ZNF521: variants seen among roughly 807,000 people sequenced by gnomAD.
The protein encoded by ZNF521 is zinc finger protein 521, also known as LYST-interacting protein 3.
In ZNF521, 14 loss-of-function variants were observed where a neutral mutation model predicts 105.5. That is an observed-to-expected ratio of 0.13 (90% CI 0.09 to 0.21). ZNF521 has a LOEUF of 0.21. Among genes scored for constraint, ZNF521 ranks in the 10% least tolerant of loss-of-function variants. ZNF521 has a pLI of 1.00. For synonymous variants in ZNF521, 635 were observed against 606.0 expected, an observed-to-expected ratio of 1.05 and a Z score of -0.70; for missense variants, 1,233 against 1,629.7, an observed-to-expected ratio of 0.76 and a Z score of 4.19.
At chr18:25,240,615 T>C (rs753592746) in intron 3 of ZNF521, among the ~76,000 whole-genome samples, 1 of 152,162 alleles carries the variant, frequency 6.6e-6, no homozygotes, top group Non-Finnish European at 1.5e-5. Context: ...AGCCTGAGTG[T>C]TGAAGAGCTT....
chr18:25,280,408 G>T (rs1910290203), intron 3 of ZNF521, among the ~76,000 whole-genome samples: 1 of 150,634 alleles, frequency 6.6e-6, no homozygotes, highest in Non-Finnish European at 1.5e-5. Flanking sequence ...GATTGGGAAG[G>T]GATGTAAAAA....
intron 5 of ZNF521, among the ~76,000 whole-genome samples, chr18:25,146,578 G>GC (rs1371290219): frequency 2.6e-5 from 4 of 152,088 alleles, no homozygotes; most frequent in African/African-American, 9.7e-5. Context: ...TTCAAAAAAA[G>GC]CCCCCCATCT....
chr18:25,245,245 C>T (rs1021357114), intron 3 of ZNF521, among the ~76,000 whole-genome samples: 8 of 152,170 alleles, frequency 5.3e-5, no homozygotes, highest in Admixed American at 1.3e-4. Context: ...TCTTTGAATT[C>T]GTCCTTTTTA....
intron 4 of ZNF521, chr18:25,202,581 C>T (rs1297760051): frequency 6.6e-6 from 1 of 152,110 alleles, no homozygotes; most frequent in Admixed American, 6.5e-5. Context: ...TTTAAGTTAG[C>T]TAGGAGGAAA....
At chr18:25,316,918 G>A (rs998303296) in intron 3 of ZNF521, among the ~76,000 whole-genome samples, 21 of 145,488 alleles carry the variant, frequency 1.4e-4, no homozygotes, top group Non-Finnish European at 2.7e-4. Context: ...GCAATGACAC[G>A]ATATCAGCTC....
chr18:25,088,219 C>A lies in ZNF521; in HGVS notation c.3906+1246G>T, dbSNP rs993908494. The stretch of plus-strand genomic sequence containing the variant: ...TAACAGAATAATTTTCTTTTCTTTT[C>A]TTTTTTTTTTTTTTGAGACAGAGTC... On this transcript the variant is annotated intron_variant, in intron 7 of 7. Coordinates refer to ENST00000361524, the MANE Select transcript of ZNF521 (RefSeq NM_015461.3). Among the ~76,000 whole-genome samples, 8 of 147,778 alleles carry A rather than the reference C, an allele frequency of 5.4e-5. No homozygotes were observed. The Middle Eastern group carries it at 0.024, about 446-fold the overall frequency.
At chr18:25,346,191 T>C (rs1449266598) in intron 2 of ZNF521, among the ~76,000 whole-genome samples, 1 of 152,118 alleles carries the variant, frequency 6.6e-6, no homozygotes, top group South Asian at 2.1e-4. Context: ...TTTTTCTAAT[T>C]ATGTCATCAT....
At chr18:25,150,656 T>C (rs2035029651) in intron 5 of ZNF521, among the ~76,000 whole-genome samples, 1 of 152,084 alleles carries the variant, frequency 6.6e-6, no homozygotes, top group Admixed American at 6.5e-5. Context: ...TGAATGGAAA[T>C]TTCAGACACA....
At chr18:25,246,684 G>A (rs1262518570) in intron 3 of ZNF521, among the ~76,000 whole-genome samples, 2 of 152,146 alleles carry the variant, frequency 1.3e-5, no homozygotes, top group Non-Finnish European at 2.9e-5. Flanking sequence ...CTGTGGGTTT[G>A]CTAACATTGC....
intron 5 of ZNF521, among the ~76,000 whole-genome samples, chr18:25,158,569 A>G (rs1441136616): frequency 6.6e-6 from 1 of 152,214 alleles, no homozygotes; most frequent in Non-Finnish European, 1.5e-5. Context: ...TGAAACCACG[A>G]AAGCATGAAA....
chr18:25,067,998 G>A (rs757655403), intron 7 of ZNF521, among the ~76,000 whole-genome samples: 1 of 152,028 alleles, frequency 6.6e-6, no homozygotes, highest in Non-Finnish European at 1.5e-5. Context: ...ATTCTGACAA[G>A]CTTTTAAAAC....
chr18:25,341,671 C>T (rs1352504131), intron 2 of ZNF521, among the ~76,000 whole-genome samples: 1 of 152,144 alleles, frequency 6.6e-6, no homozygotes, highest in African/African-American at 2.4e-5. Context: ...ACTTTCGGTG[C>T]CAAAAATGTT....
At chr18:25,099,411 C>A (rs955971777) in intron 5 of ZNF521, among the ~76,000 whole-genome samples, 14 of 152,142 alleles carry the variant, frequency 9.2e-5, no homozygotes, top group African/African-American at 3.4e-4. Flanking sequence ...GATGAAAATA[C>A]TCTGGCAAAT....
intron 4 of ZNF521, among the ~76,000 whole-genome samples, chr18:25,204,666 AAC>A (rs970261976): frequency 6.6e-6 from 1 of 152,158 alleles, no homozygotes; most frequent in African/African-American, 2.4e-5. Flanking sequence ...TACACACTTG[AAC>A]TCATTGATGT....
intron 5 of ZNF521, among the ~76,000 whole-genome samples, chr18:25,113,537 G>A (rs1201577023): frequency 6.6e-6 from 1 of 152,062 alleles, no homozygotes; most frequent in Non-Finnish European, 1.5e-5. Context: ...GTGCTATTTA[G>A]GTTTTTGGTG....
At chr18:25,333,468 T>G (rs906427317) in intron 2 of ZNF521, among the ~76,000 whole-genome samples, 3 of 152,134 alleles carry the variant, frequency 2.0e-5, no homozygotes, top group Non-Finnish European at 2.9e-5. Context: ...TGTTGCTGTT[T>G]GTATTTTTTT....
intron 5 of ZNF521, among the ~76,000 whole-genome samples, chr18:25,110,038 T>C (rs1371520643): frequency 6.6e-6 from 1 of 152,120 alleles, no homozygotes; most frequent in Admixed American, 6.5e-5. Flanking sequence ...CTCCTCCATA[T>C]AGGAAAAACA....
intron 5 of ZNF521, among the ~76,000 whole-genome samples, chr18:25,142,199 A>C (rs2034862088): frequency 6.6e-6 from 1 of 152,058 alleles, no homozygotes; most frequent in African/African-American, 2.4e-5. Flanking sequence ...AATAAACCAG[A>C]CTGACACCGT....
chr18:25,225,640 C>T lies in ZNF521; in HGVS notation c.2278G>A (p.Asp760Asn), dbSNP rs764455582. The T allele has an allele frequency of 1.2e-6, 2 of 1,614,112 alleles. No individual in the cohort carries two copies. Among genetic ancestry groups the T allele is most frequent in the South Asian group, 1.1e-5 (1 of 91,070 alleles). ...TGCAAGTCAGTTTCGTTGCGGAAGT[C>T]CCAGTTGCAAGATGTGCACCTATAG... is the stretch of plus-strand genomic sequence containing the variant. ...KVYRCTSCNW[D>N]FRNETDLQLH... Residue 760 changes from aspartate to asparagine, a missense_variant, in exon 4 of 8, where the codon GAC (aspartate) becomes AAC (asparagine). Physicochemically the swap from Asp to Asn is conservative, Grantham distance 23. Transcript: ENST00000361524. This position sits in a 1 kb window ranked among gnomAD's most constrained non-coding sequence, Gnocchi z 5.6.
Sources: allele counts gnomAD v4.1 joint callset (sites outside exome capture counted in the v4.1 genomes callset), GRCh38; gene constraint gnomAD v4.1.1; non-coding constraint Gnocchi (gnomAD v3.1); transcripts MANE v1.5; gene names NCBI Gene and HGNC (gene_info 2026-07-23, HGNC 2026-07-21).